The following SH3RF2 variants were observed in gnomAD, a reference collection of about 807,000 sequenced individuals.
SH3RF2 encodes the protein E3 ubiquitin-protein ligase SH3RF2.
In SH3RF2, 43 loss-of-function variants were observed where a neutral mutation model predicts 59.0. That is an observed-to-expected ratio of 0.73 (90% CI 0.57 to 0.94). The LOEUF (loss-of-function observed/expected upper bound fraction) is 0.94, where lower values mean the gene tolerates loss of function less well. Among genes scored for constraint, SH3RF2 ranks in the 40% least tolerant of loss-of-function variants. The probability of loss-of-function intolerance (pLI) is 0.00; values close to 1 mark genes in which losing one functional copy is unlikely to be tolerated. For synonymous variants in SH3RF2, 391 were observed against 391.5 expected, an observed-to-expected ratio of 1.00 and a Z score of 0.01; for missense variants, 930 against 940.1, an observed-to-expected ratio of 0.99 and a Z score of 0.14.
intron 4 of SH3RF2, among the ~76,000 whole-genome samples, chr5:146,005,854 TAAAA>T: frequency 7.7e-6 from 1 of 129,684 alleles, no homozygotes; most frequent in African/African-American, 2.9e-5. Context: ...GCACTCTGTT[TAAAA>T]AAAAAAAAAA....
intron 5 of SH3RF2, among the ~76,000 whole-genome samples, chr5:146,035,327 C>T (rs1761893161): frequency 6.6e-6 from 1 of 151,316 alleles, no homozygotes; most frequent in Non-Finnish European, 1.5e-5. Flanking sequence ...TCACTAAATT[C>T]CTTAGAAGGG....
At chr5:146,018,877 T>C (rs903517456) in intron 5 of SH3RF2, among the ~76,000 whole-genome samples, 44 of 109,200 alleles carry the variant, frequency 4.0e-4, no homozygotes, top group African/African-American at 1.3e-3. Context: ...ATTTCCCTGA[T>C]AATTAGTGAT....
chr5:146,081,670 C>T (rs938590372), exon 10 of SH3RF2: 1 of 152,166 alleles, frequency 6.6e-6, no homozygotes, highest in East Asian at 1.9e-4. Flanking sequence ...AGAGATTACT[C>T]GAGCCTTCTT....
At chr5:146,064,793 AAGG>A (rs1286965969), downstream of SH3RF2, among the ~76,000 whole-genome samples, 5 of 35,868 alleles carry the variant, frequency 1.4e-4, no homozygotes, top group East Asian at 7.1e-4. Flanking sequence ...GGAAGGAAGG[AAGG>A]AAGGAAGGAA....
chr5:146,046,314 G>A (rs1459605017), intron 5 of SH3RF2, among the ~76,000 whole-genome samples: 1 of 152,112 alleles, frequency 6.6e-6, no homozygotes, highest in Non-Finnish European at 1.5e-5. Context: ...CATGGGCCTT[G>A]AGCAAACATA....
Position 145,951,535 on chromosome 5 carries a change from C to T in SH3RF2, c.378+13229C>T, listed in dbSNP as rs534885708. Among the ~76,000 whole-genome samples the T allele has an allele frequency of 4.2e-4, 64 of 152,256 alleles. 1 individual carries two copies. The South Asian group carries it at 0.012, about 28-fold the overall frequency. On this transcript the variant is annotated intron_variant, in intron 2 of 9. Coordinates refer to ENST00000359120, the MANE Select transcript of SH3RF2 (RefSeq NM_152550.4). The stretch of plus-strand genomic sequence containing the variant: ...CAAGACATCTTGAAGGTCCTCCAAG[C>T]CACCCCTCCTATGCTTCAGTCCTCT...
At chr5:145,942,646 G>C (rs1482115797) in intron 2 of SH3RF2, among the ~76,000 whole-genome samples, 1 of 152,188 alleles carries the variant, frequency 6.6e-6, no homozygotes, top group African/African-American at 2.4e-5. Context: ...CCTGAAAACA[G>C]CAGATAGGTG....
intron 4 of SH3RF2, among the ~76,000 whole-genome samples, chr5:146,005,979 T>A (rs1165301121): frequency 3.3e-5 from 5 of 152,032 alleles, no homozygotes; most frequent in African/African-American, 9.7e-5. Context: ...GTCCTAAACA[T>A]ATGTTTAATT....
At chr5:145,979,241 CAG>C (rs1180256728) in intron 2 of SH3RF2, among the ~76,000 whole-genome samples, 2 of 152,340 alleles carry the variant, frequency 1.3e-5, no homozygotes, top group African/African-American at 4.8e-5. Flanking sequence ...AGACCTACTA[CAG>C]AAGAAACTCT....
intron 2 of SH3RF2, among the ~76,000 whole-genome samples, chr5:145,998,439 A>T (rs1760256704): frequency 6.6e-6 from 1 of 152,164 alleles, no homozygotes; most frequent in Non-Finnish European, 1.5e-5. Context: ...GTGTAGAAAG[A>T]TGTGTTTCCC....
At chr5:145,977,247 AT>A (rs1759328893) in intron 2 of SH3RF2, among the ~76,000 whole-genome samples, 1 of 152,194 alleles carries the variant, frequency 6.6e-6, no homozygotes, top group African/African-American at 2.4e-5. Context: ...ATTGTCGCTT[AT>A]CATCTACACT....
intron 2 of SH3RF2, 95 bp from the exon 3 acceptor site, chr5:145,999,963 T>G (rs1760330984): frequency 6.8e-7 from 1 of 1,474,208 alleles, no homozygotes; most frequent in Non-Finnish European, 9.1e-7. Flanking sequence ...GCAAAGCATG[T>G]TAAAGCAAAG....
At chr5:146,002,089 G>A (rs1233042258) in intron 3 of SH3RF2, among the ~76,000 whole-genome samples, 1 of 152,186 alleles carries the variant, frequency 6.6e-6, no homozygotes, top group East Asian at 1.9e-4. Context: ...GGAAAACAAA[G>A]ATTAACAAAA....
At position 146,062,703 on chromosome 5, in the gene SH3RF2, C is replaced by A; in HGVS notation, c.*2C>A. On this transcript the variant is annotated 3_prime_UTR_variant, in exon 10 of 10. Transcript: ENST00000359120. Reference sequence around the variant, plus strand: ...CAGACCGTGTTTCCCAGCAAATGAACCTACGGGTGGCTTTTCCTAGACCCC... The same window carrying A: ...CAGACCGTGTTTCCCAGCAAATGAAACTACGGGTGGCTTTTCCTAGACCCC... 6.2e-7 allele frequency: 1 copy of A among 1,610,220 alleles called. No individual in the cohort carries two copies. The highest frequency in any genetic ancestry group is 8.5e-7 in the Non-Finnish European group (1 of 1,177,056).
chr5:146,000,114 G>C lies in SH3RF2; in HGVS notation c.435G>C (p.Arg145Ser), dbSNP rs367562446. The C allele has an allele frequency of 6.2e-7, 1 of 1,613,778 alleles. No individual in the cohort carries two copies. The highest frequency in any genetic ancestry group is 1.7e-5 in the Admixed American group (1 of 59,946). ...NYRGQNPGDL[R>S]FNKGDIILLR... Reference sequence around the variant, plus strand: ...GAGGGCAGAATCCCGGTGACCTAAGGTTTAATAAGGGAGATATCATCCTTC... The same window carrying C: ...GAGGGCAGAATCCCGGTGACCTAAGCTTTAATAAGGGAGATATCATCCTTC... The change falls in exon 3 of 10, where the codon AGG becomes AGC. Residue 145 changes from arginine to serine, a missense_variant. Physicochemically the swap from Arg to Ser is moderately radical, Grantham distance 110. Transcript: ENST00000359120.
downstream of SH3RF2, among the ~76,000 whole-genome samples, chr5:146,064,759 G>GA (rs1561773571): frequency 0.01 from 70 of 6,764 alleles, 1 homozygote; most frequent in Admixed American, 0.021. Flanking sequence ...AGGAAGGAAG[G>GA]AAGGAAGGAA....
At chr5:146,038,128 C>T (rs975445776) in intron 5 of SH3RF2, among the ~76,000 whole-genome samples, 4 of 152,034 alleles carry the variant, frequency 2.6e-5, no homozygotes, top group African/African-American at 9.7e-5. Flanking sequence ...ATTTTATGTC[C>T]ATTCATTATA....
intron 2 of SH3RF2, among the ~76,000 whole-genome samples, chr5:145,954,027 A>G (rs2149948509): frequency 6.6e-6 from 1 of 152,308 alleles, no homozygotes; most frequent in East Asian, 1.9e-4. Context: ...ATTCATGTGC[A>G]TGTGTCTTTG....
intron 5 of SH3RF2, among the ~76,000 whole-genome samples, chr5:146,015,818 G>A (rs1253645799): frequency 6.6e-6 from 1 of 152,190 alleles, no homozygotes; most frequent in East Asian, 1.9e-4. Context: ...GATGACCAGG[G>A]AACTACTTCA....
Sources: allele counts gnomAD v4.1 joint callset (sites outside exome capture counted in the v4.1 genomes callset), GRCh38; gene constraint gnomAD v4.1.1; transcripts MANE v1.5; gene names NCBI Gene and HGNC (gene_info 2026-07-23, HGNC 2026-07-21).